Variants in DLC1 observed in about 807,000 individuals in gnomAD.
DLC1 encodes DLC1 Rho GTPase activating protein.
DLC1 carries 54 observed loss-of-function variants against 140.3 expected under a neutral mutation model. That is an observed-to-expected ratio of 0.38 (90% CI 0.31 to 0.48). DLC1 has a LOEUF of 0.48. Among genes scored for constraint, DLC1 ranks in the 20% least tolerant of loss-of-function variants. DLC1 has a pLI of 0.96. For synonymous variants in DLC1, 986 were observed against 728.1 expected (o/e 1.35, Z -5.70); for missense variants, 2,536 against 1,907.0 (o/e 1.33, Z -6.14).
rs558613008 is a variant in DLC1 at position 13,439,069 on chromosome 8, G to C, written c.1024-37450C>G. ...AGGCCGAGCACAGTGGCTCATGCCT[G>C]TAATCCCAACACTTTGGGAGGCCAA... On this transcript the variant is annotated intron_variant, in intron 2 of 17. Transcript: ENST00000276297. Among the ~76,000 whole-genome samples, 41 of 152,260 alleles carry C rather than the reference G, an allele frequency of 2.7e-4. 1 individual carries two copies. The highest frequency in any genetic ancestry group is 9.9e-4 in the African/African-American group (41 of 41,548).
At chr8:13,531,356 C>T (rs975842206) in intron 1 of DLC1, among the ~76,000 whole-genome samples, 2 of 152,072 alleles carry the variant, frequency 1.3e-5, no homozygotes, top group African/African-American at 2.4e-5. Context: ...AAGGCCAAGG[C>T]GGGCGGATCA....
At chr8:13,483,562 T>C (rs553414316) in intron 2 of DLC1, among the ~76,000 whole-genome samples, 1 of 152,146 alleles carries the variant, frequency 6.6e-6, no homozygotes, top group African/African-American at 2.4e-5. Flanking sequence ...CAAAAACTAG[T>C]TAGGCAAGGG....
chr8:13,526,555 A>G (rs1375946637), intron 1 of DLC1, among the ~76,000 whole-genome samples: 1 of 152,138 alleles, frequency 6.6e-6, no homozygotes, highest in African/African-American at 2.4e-5. Context: ...TATTTTGAAG[A>G]CTATTGTAAA....
chr8:13,119,694 G>A (rs1820873073), intron 5 of DLC1, among the ~76,000 whole-genome samples: 1 of 152,276 alleles, frequency 6.6e-6, no homozygotes, highest in South Asian at 2.1e-4. Flanking sequence ...GCTCACACCT[G>A]TAACCCCAGC....
Position 13,218,238 on chromosome 8 carries a change from C to A in DLC1, c.1348+87031G>T, listed in dbSNP as rs1380052244. On this transcript the variant is annotated intron_variant, in intron 5 of 17. Transcript: ENST00000276297. ...ACCTTACACCGTATACAAAAATTAA[C>A]TAAAAATGGATTGAAGGCCTATGTT... Among the ~76,000 whole-genome samples the A allele has an allele frequency of 2.0e-5, 3 of 152,124 alleles. No homozygotes were observed. The East Asian group carries it at 5.8e-4, about 29-fold the overall frequency.
At position 13,551,075 on chromosome 8, in the gene DLC1, C is replaced by CACACACACACT. The variant is rs71207163; in HGVS notation, c.-125-50880_-125-50879insAGTGTGTGTGT. Among the ~76,000 whole-genome samples, 630 of 121,666 alleles carry CACACACACACT rather than the reference C, an allele frequency of 5.2e-3. 3 individuals are homozygous for CACACACACACT. Among genetic ancestry groups the CACACACACACT allele is most frequent in the Middle Eastern group, 0.023 (5 of 214 alleles). The allele number at this position is 121,666 out of a possible 152,430, so 79.8% of individuals were successfully genotyped here. ...ACACACACACACACACACACACACA[C>CACACACACACT]TTTTTTTTTTTTTCCAAAGAACACT... is the stretch of plus-strand genomic sequence containing the variant. On this transcript the variant is annotated intron_variant, in intron 1 of 1. Transcript: ENST00000631382.
At chr8:13,249,376 C>A (rs1444020203) in intron 5 of DLC1, among the ~76,000 whole-genome samples, 1 of 152,158 alleles carries the variant, frequency 6.6e-6, no homozygotes, top group Non-Finnish European at 1.5e-5. Flanking sequence ...CCACGTCCGG[C>A]CACCCTGACT....
rs377518782 is a variant in DLC1, at chr8:13,412,880, T to A, written c.1024-11261A>T. ...CCAGGAGGCGGAGCTTGCAGTAAGCTGAGATCGTGCCACTGCACTCCAGTC... is the reference window on the plus strand; with the variant it reads ...CCAGGAGGCGGAGCTTGCAGTAAGCAGAGATCGTGCCACTGCACTCCAGTC... On this transcript the variant is annotated intron_variant, in intron 2 of 17. Coordinates refer to ENST00000276297, the MANE Select transcript of DLC1 (RefSeq NM_182643.3). Among the ~76,000 whole-genome samples, 650 of 136,860 alleles carry A rather than the reference T, an allele frequency of 4.7e-3. 3 individuals carry two copies. The highest frequency in any genetic ancestry group is 0.017 in the African/African-American group (622 of 36,172). The allele number at this position is 136,860 out of a possible 152,430, so 89.8% of individuals were successfully genotyped here. A position where few individuals can be genotyped will look rare whatever the true frequency, so the allele number is the denominator to read the frequency against.
At chr8:13,345,866 C>G (rs1025664502) in intron 4 of DLC1, among the ~76,000 whole-genome samples, 1 of 152,056 alleles carries the variant, frequency 6.6e-6, no homozygotes, top group East Asian at 1.9e-4. Context: ...GCCATTCACG[C>G]TTTTGAATGC....
intron 5 of DLC1, among the ~76,000 whole-genome samples, chr8:13,162,539 T>C (rs974150697): frequency 3.9e-5 from 6 of 152,174 alleles, no homozygotes; most frequent in Non-Finnish European, 7.4e-5. Context: ...GCCAGGCTGG[T>C]CTTGAGCTCC....
At chr8:13,146,498 C>G (rs2128974485) in intron 5 of DLC1, among the ~76,000 whole-genome samples, 1 of 151,644 alleles carries the variant, frequency 6.6e-6, no homozygotes, top group East Asian at 1.9e-4. Context: ...CAAATTGGCC[C>G]TATTTTCTTC....
intron 6 of DLC1, 150 bp downstream of exon 6, chr8:13,115,436 G>C (rs1184363435): frequency 2.8e-6 from 2 of 711,444 alleles, no homozygotes; most frequent in African/African-American, 1.8e-5. Flanking sequence ...TTTGTTTTCA[G>C]CGGTGGGGGT....
chr8:13,510,949 A>G (rs1802331490), intron 1 of DLC1, among the ~76,000 whole-genome samples: 1 of 151,774 alleles, frequency 6.6e-6, no homozygotes, highest in African/African-American at 2.4e-5. Flanking sequence ...ACTCCCACAC[A>G]TTACCATTCC....
At chr8:13,154,643 C>T (rs1184785658) in intron 5 of DLC1, among the ~76,000 whole-genome samples, 1 of 152,176 alleles carries the variant, frequency 6.6e-6, no homozygotes, top group African/African-American at 2.4e-5. Context: ...GAGAGGGGCT[C>T]CCACAGTGCA....
At chr8:13,362,688 A>G (rs575602750) in intron 4 of DLC1, among the ~76,000 whole-genome samples, 4 of 152,130 alleles carry the variant, frequency 2.6e-5, no homozygotes, top group Admixed American at 6.6e-5. Context: ...AACTTGTATT[A>G]TATTTACAAT....
At chr8:13,382,402 G>A (rs1269574993) in intron 4 of DLC1, among the ~76,000 whole-genome samples, 4 of 150,140 alleles carry the variant, frequency 2.7e-5, no homozygotes, top group African/African-American at 9.8e-5. Context: ...AGCTACTCGG[G>A]AGGCTGAGGC....
At chr8:13,250,518 C>G (rs1829957286) in intron 5 of DLC1, among the ~76,000 whole-genome samples, 1 of 152,130 alleles carries the variant, frequency 6.6e-6, no homozygotes, top group Non-Finnish European at 1.5e-5. Flanking sequence ...TTACTTTAAT[C>G]CACATCATCC....
At chr8:13,586,508 G>A (rs938327061) in intron 1 of DLC1, among the ~76,000 whole-genome samples, 1 of 151,508 alleles carries the variant, frequency 6.6e-6, no homozygotes, top group Non-Finnish European at 1.5e-5. Flanking sequence ...ATTTCTTTTG[G>A]TAGATAGGTT....
chr8:13,473,392 T>C (rs1379949027), intron 2 of DLC1, among the ~76,000 whole-genome samples: 1 of 152,198 alleles, frequency 6.6e-6, no homozygotes, highest in African/African-American at 2.4e-5. Context: ...GGGGTTTCCC[T>C]GCACAGGCTC....
Sources: allele counts gnomAD v4.1 joint callset (sites outside exome capture counted in the v4.1 genomes callset), GRCh38; gene constraint gnomAD v4.1.1; transcripts MANE v1.5; gene names NCBI Gene and HGNC (gene_info 2026-07-23, HGNC 2026-07-21).